Variants in EPAS1 observed in about 807,000 individuals in gnomAD.
EPAS1 encodes endothelial PAS domain protein 1.
EPAS1 carries 23 observed loss-of-function variants against 87.9 expected under a neutral mutation model. The observed-to-expected ratio is 0.26, with a 90% CI of 0.19 to 0.37. The LOEUF (loss-of-function observed/expected upper bound fraction) is 0.37, where lower values mean the gene tolerates loss of function less well. EPAS1 is among the 10% of genes least tolerant of loss of function. The pLI is 1.00. For missense variants in EPAS1, 1,138 were observed against 1,120.7 expected, an observed-to-expected ratio of 1.02 and a Z score of -0.22; for synonymous variants, 508 against 444.3, an observed-to-expected ratio of 1.14 and a Z score of -1.80.
chr2:46,349,424 C>CCCACAGAGATAGGACCAGAGTG (rs1480286925), intron 2 of EPAS1, among the ~76,000 whole-genome samples: 1 of 152,198 alleles, frequency 6.6e-6, no homozygotes, highest in Non-Finnish European at 1.5e-5. Flanking sequence ...GCTAAACACA[C>CCCACAGAGATAGGACCAGAGTG]CCACAGAGAT....
At chr2:46,340,827 A>G (rs1239977074) in intron 1 of EPAS1, among the ~76,000 whole-genome samples, 1 of 152,072 alleles carries the variant, frequency 6.6e-6, no homozygotes, top group East Asian at 1.9e-4. Flanking sequence ...AGGTCAAGGG[A>G]TCCTCCTGCC....
At chr2:46,343,986 G>C (rs72885084) in intron 1 of EPAS1, among the ~76,000 whole-genome samples, 1,895 of 152,326 alleles carry the variant, frequency 0.012, 31 homozygotes, top group East Asian at 0.033. Context: ...GTGTGTTTCC[G>C]GACTTCTAAG....
At chr2:46,376,351 A>G (rs1477604063) in intron 8 of EPAS1, among the ~76,000 whole-genome samples, 188 bp from the exon 9 acceptor site, 1 of 152,140 alleles carries the variant, frequency 6.6e-6, no homozygotes, top group African/African-American at 2.4e-5. Flanking sequence ...CATTCAGAGG[A>G]TACCTCTGTT....
chr2:46,340,514 G>T (rs1683890067), intron 1 of EPAS1, among the ~76,000 whole-genome samples: 1 of 152,114 alleles, frequency 6.6e-6, no homozygotes, highest in Non-Finnish European at 1.5e-5. Flanking sequence ...TCTCTTCTTT[G>T]TCCCCTCTTG....
At chr2:46,304,520 C>A (rs1572611726) in intron 1 of EPAS1, among the ~76,000 whole-genome samples, 1 of 152,054 alleles carries the variant, frequency 6.6e-6, no homozygotes, top group Non-Finnish European at 1.5e-5. Flanking sequence ...AATTACTTTT[C>A]TTTTTTGTGA....
intron 12 of EPAS1, 83 bp from the exon 13 acceptor site, chr2:46,381,513 C>T: frequency 1.2e-6 from 2 of 1,608,952 alleles, no homozygotes; most frequent in Non-Finnish European, 1.7e-6. Context: ...AGCATTGGGA[C>T]TGGAAGGGCC....
chr2:46,308,753 C>T (rs1683157103), intron 1 of EPAS1, among the ~76,000 whole-genome samples: 1 of 152,202 alleles, frequency 6.6e-6, no homozygotes, highest in African/African-American at 2.4e-5. Flanking sequence ...AATGTGAGTA[C>T]AGCCAAACAG....
At position 46,346,115 on chromosome 2, in the gene EPAS1, C is replaced by T. The variant is rs1456700052; in HGVS notation, c.27-758C>T. 1.3e-5 allele frequency among the ~76,000 whole-genome samples: 2 copies of T among 152,214 alleles called. No individual in the cohort carries two copies. The highest frequency in any genetic ancestry group is 2.9e-5 in the Non-Finnish European group (2 of 68,026). On this transcript the variant is annotated intron_variant, in intron 1 of 15. Transcript: ENST00000263734. This position sits in a 1 kb window ranked among gnomAD's most constrained non-coding sequence, Gnocchi z 4.0. The stretch of plus-strand genomic sequence containing the variant: ...GACTTTATAAGAAAGTCCAGGATTT[C>T]TTTAGGACTTCTAAAAGAGGCAGGC...
intron 1 of EPAS1, among the ~76,000 whole-genome samples, chr2:46,344,766 C>T (rs571059924): frequency 4.6e-5 from 7 of 152,258 alleles, no homozygotes; most frequent in Admixed American, 6.5e-5. Flanking sequence ...GGAGACATGA[C>T]GAGAAAAATA....
intron 1 of EPAS1, among the ~76,000 whole-genome samples, chr2:46,326,978 A>T (rs1683575668): frequency 6.6e-6 from 1 of 152,168 alleles, no homozygotes; most frequent in African/African-American, 2.4e-5. Flanking sequence ...TGTACCTCTG[A>T]TTCTTCAACT....
rs573865668 is a variant in EPAS1 at position 46,351,287 on chromosome 2, C to G, written c.217+4224C>G. Among the ~76,000 whole-genome samples, 8 of 152,308 alleles carry G rather than the reference C, an allele frequency of 5.3e-5. No individual in the cohort carries two copies. In the East Asian group the frequency reaches 1.5e-3, roughly 29 times the overall value. On this transcript the variant is annotated intron_variant, in intron 2 of 15. Coordinates refer to ENST00000263734, the MANE Select transcript of EPAS1 (RefSeq NM_001430.5). ...TCAGTCAACAGGTGTTTGCTGAACC[C>G]AGTCCTGTACTACATCAAGGGTAAT...
chr2:46,331,263 T>G (rs964191910), intron 1 of EPAS1, among the ~76,000 whole-genome samples: 1 of 152,198 alleles, frequency 6.6e-6, no homozygotes, highest in African/African-American at 2.4e-5. Context: ...TGTCAGTTCC[T>G]GGAGGGTAGG....
At chr2:46,339,458 A>G (rs1210451441) in intron 1 of EPAS1, among the ~76,000 whole-genome samples, 1 of 152,206 alleles carries the variant, frequency 6.6e-6, no homozygotes, top group Non-Finnish European at 1.5e-5. Flanking sequence ...CTTTTGTTCC[A>G]GTTCCACATA....
rs1292354065 is a variant in EPAS1, at chr2:46,371,297, C to T, written c.886+1364C>T. ...TCAGTGCAGCCAGCAGAGTCACAAC[C>T]CCGCAAGCTGTATGTGAACATGGTT... On this transcript the variant is annotated intron_variant, in intron 7 of 15. Coordinates refer to ENST00000263734, the MANE Select transcript of EPAS1 (RefSeq NM_001430.5). This position sits in a 1 kb window ranked among gnomAD's most constrained non-coding sequence, Gnocchi z 4.3. Among the ~76,000 whole-genome samples the T allele has an allele frequency of 6.6e-6, 1 of 152,166 alleles. No individual in the cohort carries two copies. Among genetic ancestry groups the T allele is most frequent in the African/African-American group, 2.4e-5 (1 of 41,436 alleles).
intron 1 of EPAS1, among the ~76,000 whole-genome samples, chr2:46,308,330 A>G (rs1182599681): frequency 6.6e-6 from 1 of 152,080 alleles, no homozygotes; most frequent in Admixed American, 6.5e-5. Flanking sequence ...TTTGCCAAAG[A>G]GCCTGCTTAT....
chr2:46,371,069 T>C lies in EPAS1; in HGVS notation c.886+1136T>C, dbSNP rs1308134443. Among the ~76,000 whole-genome samples the C allele has an allele frequency of 6.6e-6, 1 of 152,160 alleles. No homozygotes were observed. The highest frequency in any genetic ancestry group is 1.9e-4 in the East Asian group (1 of 5,192). On this transcript the variant is annotated intron_variant, in intron 7 of 15. Coordinates refer to ENST00000263734, the MANE Select transcript of EPAS1 (RefSeq NM_001430.5). The surrounding 1 kb of genome is among the most constrained non-coding windows in gnomAD (Gnocchi z 4.3). ...CTATATAAACCGATGGGCAAGACTGTATTTGGAAAAGAATGCTTCAAAACG... is the reference window on the plus strand; with the variant it reads ...CTATATAAACCGATGGGCAAGACTGCATTTGGAAAAGAATGCTTCAAAACG...
At chr2:46,323,465 C>T (rs1336758226) in intron 1 of EPAS1, among the ~76,000 whole-genome samples, 1 of 152,208 alleles carries the variant, frequency 6.6e-6, no homozygotes, top group Non-Finnish European at 1.5e-5. Flanking sequence ...CAGTTCTTAG[C>T]AAGGCCCGTG....
At chr2:46,366,291 A>C (rs191153282) in intron 6 of EPAS1, among the ~76,000 whole-genome samples, 2 of 152,372 alleles carry the variant, frequency 1.3e-5, no homozygotes, top group African/African-American at 2.4e-5. Context: ...GTGTATTTTG[A>C]ATAGAGCTTC....
intron 1 of EPAS1, among the ~76,000 whole-genome samples, chr2:46,320,410 G>A (rs1025985898): frequency 6.6e-6 from 1 of 152,242 alleles, no homozygotes; most frequent in African/African-American, 2.4e-5. Flanking sequence ...TGCACATGGA[G>A]CAGCTGTTGG....
Sources: gnomAD v4.1 joint callset for allele counts (sites outside exome capture counted in the v4.1 genomes callset) on GRCh38, gnomAD v4.1.1 for gene constraint, Gnocchi (gnomAD v3.1) non-coding constraint, MANE v1.5 for transcripts, NCBI Gene and HGNC (gene_info 2026-07-23, HGNC 2026-07-21) for gene names.